The following NOS1AP variants were observed in gnomAD, a reference collection of about 807,000 sequenced individuals.
NOS1AP encodes nitric oxide synthase 1 adaptor protein.
A neutral mutation model predicts 56.2 loss-of-function variants in NOS1AP; 21 were observed. That is an observed-to-expected ratio of 0.37 (90% CI 0.26 to 0.54). The LOEUF (loss-of-function observed/expected upper bound fraction) is 0.54. Ranked by LOEUF, NOS1AP falls within the 20% of genes least tolerant of loss-of-function variation. NOS1AP has a pLI of 0.84. For missense variants in NOS1AP, 522 were observed against 657.8 expected (o/e 0.79, Z 2.26); for synonymous variants, 270 against 274.6 (o/e 0.98, Z 0.17).
chr1:162,363,691 A>G (rs1393875535), intron 8 of NOS1AP: 4 of 682,638 alleles, frequency 5.9e-6, no homozygotes, highest in African/African-American at 3.9e-5. Context: ...CACTCTTACC[A>G]CTCTGGAGAT....
intron 2 of NOS1AP, among the ~76,000 whole-genome samples, chr1:162,273,461 G>T (rs903251869): frequency 6.6e-6 from 1 of 152,148 alleles, no homozygotes; most frequent in Non-Finnish European, 1.5e-5. Flanking sequence ...CACCGCGCCC[G>T]GCCGAAGCCT....
At chr1:162,248,687 G>C (rs998208980) in intron 2 of NOS1AP, among the ~76,000 whole-genome samples, 2 of 151,928 alleles carry the variant, frequency 1.3e-5, no homozygotes, top group African/African-American at 4.8e-5. Context: ...TAATTGACAG[G>C]GTCCTCCAAC....
intron 4 of NOS1AP, among the ~76,000 whole-genome samples, chr1:162,302,056 C>G (rs1290974388): frequency 1.3e-5 from 2 of 152,212 alleles, no homozygotes; most frequent in Non-Finnish European, 2.9e-5. Context: ...GGACAAGTTA[C>G]TGAGGTATAA....
chr1:162,275,513 T>C (rs764192666), intron 2 of NOS1AP, among the ~76,000 whole-genome samples: 3 of 152,240 alleles, frequency 2.0e-5, no homozygotes, highest in Non-Finnish European at 4.4e-5. Flanking sequence ...AGGTTTATTT[T>C]CATGTTCATT....
intron 1 of NOS1AP, among the ~76,000 whole-genome samples, chr1:162,103,550 C>T (rs1647388269): frequency 6.6e-6 from 1 of 152,084 alleles, no homozygotes; most frequent in East Asian, 1.9e-4. Flanking sequence ...TCTCCCACGA[C>T]TACTCTGTGG....
intron 4 of NOS1AP, among the ~76,000 whole-genome samples, chr1:162,332,805 T>C (rs1347983131): frequency 6.6e-6 from 1 of 152,160 alleles, no homozygotes; most frequent in Non-Finnish European, 1.5e-5. Flanking sequence ...CTGCCCCCTC[T>C]ACCAAATCTG....
At chr1:162,102,593 G>A (rs1052572480) in intron 1 of NOS1AP, among the ~76,000 whole-genome samples, 1 of 151,612 alleles carries the variant, frequency 6.6e-6, no homozygotes, top group African/African-American at 2.4e-5. Context: ...TTGGTTGGTA[G>A]GCTATTTCTC....
chr1:162,149,620 C>A (rs1649626707), intron 1 of NOS1AP, among the ~76,000 whole-genome samples: 1 of 152,228 alleles, frequency 6.6e-6, no homozygotes, highest in African/African-American at 2.4e-5. Flanking sequence ...GCTTCCCTGG[C>A]ACTGTAGTTC....
intron 4 of NOS1AP, among the ~76,000 whole-genome samples, chr1:162,318,857 CT>C (rs1457858087): frequency 6.6e-6 from 1 of 152,118 alleles, no homozygotes; most frequent in Non-Finnish European, 1.5e-5. Flanking sequence ...TTCCTTAGTT[CT>C]TTTTTCCTTC....
intron 2 of NOS1AP, among the ~76,000 whole-genome samples, chr1:162,253,565 C>T (rs576114397): frequency 2.0e-5 from 3 of 152,152 alleles, no homozygotes; most frequent in Admixed American, 2.0e-4. Flanking sequence ...CAAGATTAAC[C>T]CTGTCTAGTT....
intron 1 of NOS1AP, among the ~76,000 whole-genome samples, chr1:162,081,774 A>ATATATATATTTTTTT: frequency 1.8e-4 from 8 of 44,052 alleles, no homozygotes; most frequent in African/African-American, 6.1e-4. Context: ...ATATATATAT[A>ATATATATATTTTTTT]TTTTTTTTTT....
intron 3 of NOS1AP, among the ~76,000 whole-genome samples, chr1:162,296,242 G>A (rs991731835): frequency 6.6e-6 from 1 of 152,034 alleles, no homozygotes; most frequent in African/African-American, 2.4e-5. Flanking sequence ...AGCCGAGATC[G>A]CGCCACTGCA....
intron 4 of NOS1AP, among the ~76,000 whole-genome samples, chr1:162,309,971 A>C (rs796161181): frequency 8.5e-5 from 13 of 152,310 alleles, no homozygotes; most frequent in African/African-American, 3.1e-4. Context: ...ATATTTAGTC[A>C]CTGTATTGTT....
chr1:162,155,289 C>CATATGTATATGT (rs1649907127), intron 2 of NOS1AP, among the ~76,000 whole-genome samples: 1 of 142,016 alleles, frequency 7.0e-6, no homozygotes, highest in Non-Finnish European at 1.5e-5. Context: ...CACATATATA[C>CATATGTATATGT]ATATATATGT....
intron 1 of NOS1AP, among the ~76,000 whole-genome samples, chr1:162,148,187 C>G (rs1421946382): frequency 6.6e-6 from 1 of 152,200 alleles, no homozygotes; most frequent in Admixed American, 6.5e-5. Context: ...CAGGCAGAAT[C>G]CAGGACTCAG....
intron 1 of NOS1AP, among the ~76,000 whole-genome samples, chr1:162,124,724 T>C (rs972670778): frequency 2.6e-5 from 4 of 152,174 alleles, no homozygotes; most frequent in Non-Finnish European, 5.9e-5. Context: ...AATTTTGCCA[T>C]GTTGGGCAGC....
Position 162,218,762 on chromosome 1 carries a change from C to G in NOS1AP, c.177+64286C>G, listed in dbSNP as rs191324912. Among the ~76,000 whole-genome samples the G allele has an allele frequency of 9.2e-5, 14 of 152,180 alleles. No individual in the cohort carries two copies. In the South Asian group the frequency reaches 1.5e-3, roughly 16 times the overall value. On this transcript the variant is annotated intron_variant, in intron 2 of 9. Transcript: ENST00000361897. ...TCAGGAGTGTCCCGGGCACCCTGTCCCTTCCAGCCCCACTCACTGCTTGCC... is the reference window on the plus strand; with the variant it reads ...TCAGGAGTGTCCCGGGCACCCTGTCGCTTCCAGCCCCACTCACTGCTTGCC...
intron 1 of NOS1AP, among the ~76,000 whole-genome samples, chr1:162,129,645 T>C (rs540709608): frequency 6.6e-6 from 1 of 152,336 alleles, no homozygotes; most frequent in South Asian, 2.1e-4. Flanking sequence ...AGTTATTGAT[T>C]CTGTTTTATT....
chr1:162,100,426 G>T lies in NOS1AP; in HGVS notation c.105+30144G>T, dbSNP rs559575558. On this transcript the variant is annotated intron_variant, in intron 1 of 9. Transcript: ENST00000361897. The stretch of plus-strand genomic sequence containing the variant: ...TCATGCGTTTTTTGGCTGCATAAAT[G>T]TCTTCTTTTGAGAAGTGTCTGTTCA... Among the ~76,000 whole-genome samples the T allele has an allele frequency of 6.8e-3, 1,041 of 152,284 alleles. 13 individuals are homozygous for T. Among genetic ancestry groups the T allele is most frequent in the African/African-American group, 0.024 (990 of 41,544 alleles).
Sources: gnomAD v4.1 joint callset for allele counts (sites outside exome capture counted in the v4.1 genomes callset) on GRCh38, gnomAD v4.1.1 for gene constraint, MANE v1.5 for transcripts, NCBI Gene and HGNC (gene_info 2026-07-23, HGNC 2026-07-21) for gene names.